Variants in FSHR observed in about 807,000 individuals in gnomAD.
The protein encoded by FSHR is follicle-stimulating hormone receptor.
FSHR carries 46 observed loss-of-function variants against 52.1 expected under a neutral mutation model. That is an observed-to-expected ratio of 0.88 (90% CI 0.70 to 1.13). The LOEUF is 1.13. Ranked by LOEUF, FSHR falls within the 50% of genes most tolerant of loss-of-function variation. FSHR has a pLI of 0.00. For synonymous variants in FSHR, 399 were observed against 309.6 expected, an observed-to-expected ratio of 1.29 and a Z score of -3.03; for missense variants, 964 against 834.6, an observed-to-expected ratio of 1.16 and a Z score of -1.91.
At chr2:49,032,113 A>T (rs1668121191) in intron 2 of FSHR, among the ~76,000 whole-genome samples, 1 of 152,190 alleles carries the variant, frequency 6.6e-6, no homozygotes. Context: ...TGAGCAGTGG[A>T]GTGGGAAAGA....
Position 48,963,749 on chromosome 2 carries a change from C to T in FSHR, c.1072G>A (p.Asp358Asn), listed in dbSNP as rs917432692. ...PKPDAFNPCEDIMGYNILRVL... is the reference protein window; with the variant it reads ...PKPDAFNPCENIMGYNILRVL... ...CTGAGGATGTTGTACCCCATGATAT[C>T]TTCACATGGGTTGAATGCATCTGGC... Residue 358 changes from aspartate to asparagine, a missense_variant, in exon 10 of 10, where the codon GAT becomes AAT. Asp to Asn is a conservative substitution (Grantham distance 23). Coordinates refer to ENST00000406846, the MANE Select transcript of FSHR (RefSeq NM_000145.4). The T allele has an allele frequency of 1.2e-6, 2 of 1,614,010 alleles. No individual in the cohort carries two copies. Among genetic ancestry groups the T allele is most frequent in the African/African-American group, 2.7e-5 (2 of 74,912 alleles).
intron 2 of FSHR, among the ~76,000 whole-genome samples, chr2:49,044,666 AC>A (rs1668594670): frequency 6.6e-6 from 1 of 151,156 alleles, no homozygotes; most frequent in African/African-American, 2.4e-5. Flanking sequence ...CTCCCCCAGC[AC>A]TCTTACTGCC....
intron 1 of FSHR, among the ~76,000 whole-genome samples, chr2:49,145,600 A>C (rs1672842106): frequency 6.6e-6 from 1 of 152,096 alleles, no homozygotes; most frequent in African/African-American, 2.4e-5. Context: ...ACATGCAATT[A>C]GTTGTCAAAT....
At chr2:48,968,046 A>G (rs1177285276) in intron 9 of FSHR, among the ~76,000 whole-genome samples, 1 of 152,026 alleles carries the variant, frequency 6.6e-6, no homozygotes, top group Non-Finnish European at 1.5e-5. Context: ...CTTTCTCTTT[A>G]CTCTTTCCAG....
intron 2 of FSHR, 71 bp downstream of exon 2, chr2:49,068,148 C>T: frequency 8.8e-7 from 1 of 1,141,938 alleles, no homozygotes; most frequent in Non-Finnish European, 1.3e-6. Context: ...GATAGTCATA[C>T]TAGATGTGGT....
At chr2:48,996,463 T>A (rs529596689) in intron 4 of FSHR, among the ~76,000 whole-genome samples, 35 of 152,282 alleles carry the variant, frequency 2.3e-4, no homozygotes, top group African/African-American at 8.2e-4. Flanking sequence ...CAACCATGTT[T>A]TATATATGTT....
chr2:49,127,802 C>CTTG (rs1558456410), intron 1 of FSHR, among the ~76,000 whole-genome samples: 34 of 55,022 alleles, frequency 6.2e-4, no homozygotes, highest in Non-Finnish European at 1.0e-3. Context: ...TCTTCTTCTT[C>CTTG]TTCTTCTTCT....
At chr2:49,012,592 AAG>A (rs1446274306) in intron 4 of FSHR, among the ~76,000 whole-genome samples, 3 of 152,268 alleles carry the variant, frequency 2.0e-5, no homozygotes, top group Non-Finnish European at 1.5e-5. Flanking sequence ...CATTCAAGTC[AAG>A]TAGCAACTCA....
chr2:49,091,876 A>G (rs779711978), intron 1 of FSHR, among the ~76,000 whole-genome samples: 16 of 152,116 alleles, frequency 1.1e-4, no homozygotes, highest in Non-Finnish European at 2.1e-4. Flanking sequence ...TTACCTTTTC[A>G]TATAAATTTT....
chr2:49,037,774 A>G (rs1002732697), intron 2 of FSHR, among the ~76,000 whole-genome samples: 3 of 152,204 alleles, frequency 2.0e-5, no homozygotes, highest in African/African-American at 7.2e-5. Context: ...TGGAAAGACA[A>G]GTAAAGAGAC....
intron 2 of FSHR, among the ~76,000 whole-genome samples, chr2:49,053,535 A>C (rs1208916664): frequency 6.6e-6 from 1 of 152,188 alleles, no homozygotes; most frequent in East Asian, 1.9e-4. Flanking sequence ...AAGCCACTTC[A>C]TGTTGCAGAG....
intron 1 of FSHR, among the ~76,000 whole-genome samples, chr2:49,094,100 T>TTGGAAA (rs1255682779): frequency 6.6e-6 from 1 of 152,176 alleles, no homozygotes; most frequent in Non-Finnish European, 1.5e-5. Context: ...TTTGGATTAT[T>TTGGAAA]TAAATATATT....
In FSHR at chr2:49,000,598, C is replaced by A. The variant is rs796602452; in HGVS notation, c.375-9961G>T. Reference sequence around the variant, plus strand: ...GTTACACAATTCTTAACCTCTCATGCACATTGGGCATGAAAGTAGTGTGGA... The same window carrying A: ...GTTACACAATTCTTAACCTCTCATGAACATTGGGCATGAAAGTAGTGTGGA... On this transcript the variant is annotated intron_variant, in intron 4 of 9. Transcript: ENST00000406846. 4.6e-5 allele frequency among the ~76,000 whole-genome samples: 7 copies of A among 152,226 alleles called. No homozygotes were observed. The South Asian group carries it at 1.4e-3, about 32-fold the overall frequency.
At chr2:49,113,109 G>A (rs929651641) in intron 1 of FSHR, among the ~76,000 whole-genome samples, 1 of 152,116 alleles carries the variant, frequency 6.6e-6, no homozygotes, top group African/African-American at 2.4e-5. Context: ...AGGTGAAGAT[G>A]GAGACAATGT....
chr2:49,020,939 G>T (rs1026600381), intron 2 of FSHR, among the ~76,000 whole-genome samples: 2 of 152,082 alleles, frequency 1.3e-5, no homozygotes, highest in South Asian at 4.1e-4. Flanking sequence ...GGCCTGTCAG[G>T]GGGTAGGATT....
intron 1 of FSHR, among the ~76,000 whole-genome samples, chr2:49,134,448 T>C (rs1035815987): frequency 8.5e-5 from 13 of 152,216 alleles, no homozygotes; most frequent in Admixed American, 1.3e-4. Context: ...GAAATAGGAA[T>C]GCTTTTACAC....
chr2:49,036,428 T>C (rs1410143923), intron 2 of FSHR, among the ~76,000 whole-genome samples: 2 of 151,588 alleles, frequency 1.3e-5, no homozygotes, highest in East Asian at 3.9e-4. Flanking sequence ...TATGGATATA[T>C]TTTATATATA....
intron 2 of FSHR, among the ~76,000 whole-genome samples, chr2:49,024,626 T>A (rs926255974): frequency 2.6e-5 from 4 of 152,116 alleles, no homozygotes; most frequent in African/African-American, 7.2e-5. Flanking sequence ...CAGAAACTTC[T>A]TTTTCACTTT....
chr2:48,963,230 C>T lies in FSHR; in HGVS notation c.1591G>A (p.Val531Ile). 1.2e-6 allele frequency: 2 copies of T among 1,614,140 alleles called. No individual in the cohort carries two copies. Among genetic ancestry groups the T allele is most frequent in the Non-Finnish European group, 1.7e-6 (2 of 1,180,020 alleles). Residue 531 changes from valine (V) to isoleucine (I), a missense_variant, in exon 10 of 10, where the codon GTC becomes ATC. Transcript: ENST00000406846. Reference protein sequence around the residue: ...DIDSPLSQLYVMSLLVLNVLA... With the variant: ...DIDSPLSQLYIMSLLVLNVLA... ...ACATTGAGCACAAGGAGGGACATGA[C>T]ATACAGCTGTGACAAAGGGCTGTCA...
Sources: gnomAD v4.1 joint callset for allele counts (sites outside exome capture counted in the v4.1 genomes callset) on GRCh38, gnomAD v4.1.1 for gene constraint, MANE v1.5 for transcripts, NCBI Gene and HGNC (gene_info 2026-07-23, HGNC 2026-07-21) for gene names.